BNC1: variants seen among roughly 807,000 people sequenced by gnomAD.
BNC1 encodes the protein basonuclin zinc finger protein 1.
A neutral mutation model predicts 66.5 loss-of-function variants in BNC1; 8 were observed. That is an observed-to-expected ratio of 0.12 (90% CI 0.07 to 0.22). BNC1 has a LOEUF of 0.22. Ranked by LOEUF, BNC1 falls within the 10% of genes least tolerant of loss-of-function variation. The pLI is 1.00. For synonymous variants in BNC1, 454 were observed against 452.6 expected (o/e 1.00, Z -0.04); for missense variants, 1,069 against 1,241.3 (o/e 0.86, Z 2.09).
intron 1 of BNC1, among the ~76,000 whole-genome samples, chr15:83,279,999 C>T (rs1442398171): frequency 6.6e-6 from 1 of 152,162 alleles, no homozygotes; most frequent in East Asian, 1.9e-4. Flanking sequence ...TGTTCTCTAG[C>T]TGCTTAGTTC....
intron 3 of BNC1, 70 bp from the exon 4 acceptor site, chr15:83,264,885 T>G: frequency 6.8e-7 from 1 of 1,462,154 alleles, no homozygotes; most frequent in Non-Finnish European, 9.3e-7. Flanking sequence ...AAAAATGTAG[T>G]CCACTAGACT....
chr15:83,279,286 G>A (rs1200909361), intron 1 of BNC1, among the ~76,000 whole-genome samples: 1 of 152,106 alleles, frequency 6.6e-6, no homozygotes, highest in Admixed American at 6.6e-5. Context: ...CCCAAAGTTG[G>A]TAACTGTTGA....
At position 83,257,563 on chromosome 15, in the gene BNC1, A is replaced by G; in HGVS notation, c.2864T>C (p.Leu955Pro). Residue 955 changes from leucine to proline, a missense_variant, in exon 5 of 5, where the codon CTC becomes CCC. Transcript: ENST00000345382. ...AHYKTVHLRQ[L>P]HKCKVPGCNT... Reference sequence around the variant, plus strand: ...GCAGCCTGGTACTTTGCATTTGTGGAGCTGCCGGAGGTGCACAGTTTTGTA... The same window carrying G: ...GCAGCCTGGTACTTTGCATTTGTGGGGCTGCCGGAGGTGCACAGTTTTGTA... The G allele has an allele frequency of 2.5e-6, 4 of 1,614,072 alleles. No homozygotes were observed. The highest frequency in any genetic ancestry group is 3.4e-6 in the Non-Finnish European group (4 of 1,180,024).
In BNC1 at chr15:83,257,501, G is replaced by A; in HGVS notation, c.2926C>T (p.His976Tyr). Reference sequence around the variant, plus strand: ...TTGTGCAGGTTGGGATTCTGGCTGTGTCTGTTTCGACTGCGAACAGACGAA... The same window carrying A: ...TTGTGCAGGTTGGGATTCTGGCTGTATCTGTTTCGACTGCGAACAGACGAA... ...MFSSVRSRNR[H>Y]SQNPNLHKSL... Residue 976 changes from histidine (H) to tyrosine (Y), a missense_variant, in exon 5 of 5, where the codon CAC becomes TAC. His to Tyr is a moderately conservative substitution (Grantham distance 83). This residue lies in a region of BNC1 where 657 missense variants were observed against 715.8 expected (regional missense o/e 0.92). Transcript: ENST00000345382. The A allele has an allele frequency of 1.2e-6, 2 of 1,614,174 alleles. No homozygotes were observed. Among genetic ancestry groups the A allele is most frequent in the Non-Finnish European group, 1.7e-6 (2 of 1,180,030 alleles).
At chr15:83,267,334 A>C (rs935854304) in intron 2 of BNC1, among the ~76,000 whole-genome samples, 11 of 152,196 alleles carry the variant, frequency 7.2e-5, no homozygotes, top group Admixed American at 2.6e-4. Flanking sequence ...GGAAGGAATA[A>C]GGAAAAGGGG....
intron 1 of BNC1, among the ~76,000 whole-genome samples, chr15:83,274,245 C>T (rs1047331080): frequency 1.3e-5 from 2 of 152,054 alleles, no homozygotes; most frequent in Non-Finnish European, 2.9e-5. Flanking sequence ...ATTTGCCGGG[C>T]GTGGTGGCAG....
At chr15:83,271,201 G>A (rs1031610793) in intron 1 of BNC1, among the ~76,000 whole-genome samples, 2 of 152,076 alleles carry the variant, frequency 1.3e-5, no homozygotes, top group African/African-American at 4.8e-5. Context: ...GCTTGAACCT[G>A]GGAGGTAGGG....
chr15:83,272,734 G>A (rs1595940423), intron 1 of BNC1, among the ~76,000 whole-genome samples: 1 of 152,130 alleles, frequency 6.6e-6, no homozygotes, highest in Non-Finnish European at 1.5e-5. Flanking sequence ...ATCATAGAGG[G>A]AACAATTCCA....
In BNC1 at chr15:83,283,068, C is replaced by T. The variant is rs114350862; in HGVS notation, c.99+1462G>A. 1.9e-3 allele frequency: 2,880 copies of T among 1,498,170 alleles called. 48 individuals are homozygous for T. The African/African-American group carries it at 0.035, about 18-fold the overall frequency. 92.8% of individuals were successfully genotyped at this position (1,498,170 alleles called of 1,614,324 possible). A position where few individuals can be genotyped will look rare whatever the true frequency, so the allele number is the denominator to read the frequency against. On this transcript the variant is annotated intron_variant, in intron 1 of 4. Coordinates refer to ENST00000345382, the MANE Select transcript of BNC1 (RefSeq NM_001717.4). Reference sequence around the variant, plus strand: ...ACCGAACCCCCGAGCGTCTGATGCCCCCCGCCCCCCAACCACACACAACTT... The same window carrying T: ...ACCGAACCCCCGAGCGTCTGATGCCTCCCGCCCCCCAACCACACACAACTT...
At chr15:83,271,950 A>G (rs1159644111) in intron 1 of BNC1, among the ~76,000 whole-genome samples, 1 of 152,248 alleles carries the variant, frequency 6.6e-6, no homozygotes, top group African/African-American at 2.4e-5. Flanking sequence ...TTTACATTAC[A>G]CACTGTCAAA....
At chr15:83,269,721 C>T (rs1306181427) in intron 1 of BNC1, among the ~76,000 whole-genome samples, 3 of 152,096 alleles carry the variant, frequency 2.0e-5, no homozygotes. Flanking sequence ...AATTCCACTC[C>T]TAGTTGTATA....
In BNC1 at chr15:83,263,739, C is replaced by A. The variant is rs774554318; in HGVS notation, c.1512G>T (p.Thr504=). 2 of 1,614,048 alleles carry A rather than the reference C, an allele frequency of 1.2e-6. No homozygotes were observed. Among genetic ancestry groups the A allele is most frequent in the Non-Finnish European group, 1.7e-6 (2 of 1,180,036 alleles). Residue 504 remains threonine, a synonymous_variant, in exon 4 of 5, where the codon ACG becomes ACT. Transcript: ENST00000345382. ...SPATPAEVAN[T]PGILPSLPLL... is the part of the protein sequence containing the mutation. ...GCGGGAGGGAAGGGAGTATCCCAGGCGTGTTTGCTACCTCGGCAGGCGTGG... is the reference window on the plus strand; with the variant it reads ...GCGGGAGGGAAGGGAGTATCCCAGGAGTGTTTGCTACCTCGGCAGGCGTGG...
rs748491453 is a variant in BNC1 at position 83,257,530 on chromosome 15, A to G, written c.2897T>C (p.Met966Thr). 9.3e-6 allele frequency: 15 copies of G among 1,614,032 alleles called. No homozygotes were observed. The Admixed American group carries it at 2.2e-4, about 23-fold the overall frequency. ...HKCKVPGCNT[M>T]FSSVRSRNRH... ...GTTTCGACTGCGAACAGACGAAAAC[A>G]TGGTGTTGCAGCCTGGTACTTTGCA... Residue 966 changes from methionine to threonine, a missense_variant, in exon 5 of 5, where the codon ATG (methionine) becomes ACG (threonine). Coordinates refer to ENST00000345382, the MANE Select transcript of BNC1 (RefSeq NM_001717.4).
chr15:83,274,703 G>T (rs1249589045), intron 1 of BNC1, among the ~76,000 whole-genome samples: 1 of 152,212 alleles, frequency 6.6e-6, no homozygotes, highest in Non-Finnish European at 1.5e-5. Context: ...TCACGCAGTT[G>T]GTGAGCCTTA....
At chr15:83,268,034 GT>G in intron 2 of BNC1, 98 bp downstream of exon 2, 1 of 993,072 alleles carries the variant, frequency 1.0e-6, no homozygotes, top group Non-Finnish European at 1.6e-6. Context: ...TAGTTTACTA[GT>G]TAGTTGTCAT....
At chr15:83,267,676 T>TA (rs1181470970) in intron 2 of BNC1, among the ~76,000 whole-genome samples, 1 of 152,014 alleles carries the variant, frequency 6.6e-6, no homozygotes, top group Non-Finnish European at 1.5e-5. Context: ...ATTTGGCAAA[T>TA]AAAAAAAGAT....
At chr15:83,277,399 T>G (rs944049644) in intron 1 of BNC1, among the ~76,000 whole-genome samples, 3 of 152,168 alleles carry the variant, frequency 2.0e-5, no homozygotes, top group African/African-American at 7.2e-5. Flanking sequence ...AACTTCTGCC[T>G]CCCGGGTTCA....
At chr15:83,262,324 T>C (rs899799579) in intron 4 of BNC1, among the ~76,000 whole-genome samples, 1 of 152,176 alleles carries the variant, frequency 6.6e-6, no homozygotes, top group Admixed American at 6.5e-5. Context: ...GTGCTGGGAT[T>C]ACAGGGATGA....
chr15:83,268,321 C>T (rs958037269), intron 1 of BNC1, 89 bp from the exon 2 acceptor site: 67 of 1,215,290 alleles, frequency 5.5e-5, no homozygotes, highest in Middle Eastern at 1.9e-4. Flanking sequence ...TTCCTCCATT[C>T]GGCAGCACTT....
Sources: gnomAD v4.1 joint callset for allele counts (sites outside exome capture counted in the v4.1 genomes callset) on GRCh38, gnomAD v4.1.1 for gene constraint, gnomAD v4.1.1 regional missense constraint, MANE v1.5 for transcripts, NCBI Gene and HGNC (gene_info 2026-07-23, HGNC 2026-07-21) for gene names.